ANKRD26: variants seen among roughly 807,000 people sequenced by gnomAD.
The protein encoded by ANKRD26 is ankyrin repeat domain-containing protein 26.
In ANKRD26, 141 loss-of-function variants were observed where a neutral mutation model predicts 208.7. That is an observed-to-expected ratio of 0.68 (90% CI 0.59 to 0.78). The LOEUF is 0.78. Among genes scored for constraint, ANKRD26 ranks in the 30% least tolerant of loss-of-function variants. The pLI, the probability that ANKRD26 is intolerant of heterozygous loss-of-function variation, is 0.00. For synonymous variants in ANKRD26, 636 were observed against 660.4 expected, an observed-to-expected ratio of 0.96 and a Z score of 0.57; for missense variants, 1,889 against 1,938.7, an observed-to-expected ratio of 0.97 and a Z score of 0.48.
the ANKRD26 span, among the ~76,000 whole-genome samples, chr10:26,964,195 C>T: frequency 2.0e-5 from 3 of 152,012 alleles, no homozygotes; most frequent in Non-Finnish European, 4.4e-5. Context: ...AGGCATGAGG[C>T]ACCATGCCTG....
intron 27 of ANKRD26, among the ~76,000 whole-genome samples, chr10:27,025,372 T>C (rs2053627276): frequency 4.6e-5 from 7 of 152,110 alleles, no homozygotes; most frequent in Admixed American, 4.6e-4. Context: ...AGTTTTGCTA[T>C]GCTGCCCAGG....
At chr10:26,979,950 T>G (rs2052283226) in intron 5 of ANKRD26, among the ~76,000 whole-genome samples, 1 of 152,002 alleles carries the variant, frequency 6.6e-6, no homozygotes, top group African/African-American at 2.4e-5. Context: ...TCCTTTATCA[T>G]AGCACAGGAT....
chr10:27,053,064 A>C (rs1256170129), intron 16 of ANKRD26, among the ~76,000 whole-genome samples: 1 of 152,004 alleles, frequency 6.6e-6, no homozygotes, highest in East Asian at 1.9e-4. Context: ...AACAATACTC[A>C]GGAAATTTCT....
chr10:27,048,808 A>G lies in ANKRD26; in HGVS notation c.1807T>C (p.Tyr603His). The change falls in exon 17 of 34, where the codon TAT becomes CAT. Residue 603 changes from tyrosine (Y) to histidine (H), a missense_variant. By Grantham distance (83) the Tyr-to-His change is moderately conservative. Transcript: ENST00000376087. ...AATATGCTATCAGCTTACCTAGCAT[A>G]CTCTTTATTTTCCTTCCTGGGAAAT... Reference protein sequence around the residue: ...QQFPRKENKEYASSGPALQMK... With the variant: ...QQFPRKENKEHASSGPALQMK... 1 of 1,612,848 alleles carries G rather than the reference A, an allele frequency of 6.2e-7. No homozygotes were observed. The highest frequency in any genetic ancestry group is 1.3e-5 in the African/African-American group (1 of 74,970).
At chr10:27,017,351 G>T in intron 30 of ANKRD26, 151 bp downstream of exon 30, 1 of 701,230 alleles carries the variant, frequency 1.4e-6, no homozygotes, top group Non-Finnish European at 2.4e-6. Context: ...ATGGAAACTG[G>T]AATATCTAAA....
At chr10:26,982,999 A>G (rs1380394058) in intron 3 of ANKRD26, among the ~76,000 whole-genome samples, 2 of 152,152 alleles carry the variant, frequency 1.3e-5, no homozygotes, top group East Asian at 3.8e-4. Flanking sequence ...TTGTCATTTG[A>G]TTCCTCTAAG....
rs77185537 is a variant in ANKRD26, at chr10:27,053,931, G to C, written c.1565-541C>G. Among the ~76,000 whole-genome samples the C allele has an allele frequency of 1.9e-4, 29 of 152,234 alleles. No individual in the cohort carries two copies. In the East Asian group the frequency reaches 5.2e-3, roughly 27 times the overall value. ...ATTATTAATGAATTCCAAAATTACT[G>C]CTACTTTTTACATCTTTATCATTGT... On this transcript the variant is annotated intron_variant, in intron 15 of 33. Transcript: ENST00000376087.
downstream of ANKRD26, among the ~76,000 whole-genome samples, chr10:26,969,141 C>T (rs1589154286): frequency 6.6e-6 from 1 of 152,136 alleles, no homozygotes; most frequent in African/African-American, 2.4e-5. Flanking sequence ...TTGCGGTCTA[C>T]ACTGATCCAC....
chr10:27,053,138 T>A (rs1192193176), intron 16 of ANKRD26, among the ~76,000 whole-genome samples, 182 bp downstream of exon 16: 2 of 152,120 alleles, frequency 1.3e-5, no homozygotes, highest in Non-Finnish European at 2.9e-5. Flanking sequence ...AAAGATTAGC[T>A]ATAGGTTACT....
In ANKRD26 at chr10:27,100,421, C is replaced by T; in HGVS notation, c.-95G>A. 2 of 1,549,798 alleles carry T rather than the reference C, an allele frequency of 1.3e-6. No homozygotes were observed. The highest frequency in any genetic ancestry group is 2.3e-5 in the East Asian group (1 of 44,396). ...ATAACAAGTCAGCCCCGGCTGGCCG[C>T]AGCCTCCCAAAGGAAACTCCGCGGT... On this transcript the variant is annotated 5_prime_UTR_variant, in exon 1 of 34. Transcript: ENST00000376087.
intron 29 of ANKRD26, 22 bp from the exon 30 acceptor site, chr10:27,017,814 G>GT: frequency 6.2e-7 from 1 of 1,602,316 alleles, no homozygotes; most frequent in Non-Finnish European, 8.5e-7. Context: ...CAATAATATA[G>GT]TGTAATAATG....
intron 12 of ANKRD26, among the ~76,000 whole-genome samples, chr10:27,063,409 C>T (rs187181290): frequency 0.012 from 1,868 of 152,190 alleles, 22 homozygotes; most frequent in South Asian, 0.036. Context: ...CCACCTCCAC[C>T]TCCCAGGTTC....
chr10:27,053,275 A>G, intron 16 of ANKRD26, 45 bp downstream of exon 16: 2 of 1,391,576 alleles, frequency 1.4e-6, no homozygotes, highest in Non-Finnish European at 2.0e-6. Context: ...TCATTAAAGC[A>G]AAGAAAACAA....
chr10:26,994,840 G>A (rs1439847095), intron 5 of ANKRD26, among the ~76,000 whole-genome samples: 1 of 152,180 alleles, frequency 6.6e-6, no homozygotes, highest in Non-Finnish European at 1.5e-5. Context: ...ATGCAGAGCA[G>A]CTGTCAGGGC....
At chr10:27,096,221 C>T (rs1200644134) in intron 1 of ANKRD26, among the ~76,000 whole-genome samples, 1 of 152,134 alleles carries the variant, frequency 6.6e-6, no homozygotes, top group Non-Finnish European at 1.5e-5. Flanking sequence ...AAATCAGCAA[C>T]TTTCCATCTT....
intron 6 of ANKRD26, chr10:27,080,899 T>C (rs1163384699): frequency 1.6e-5 from 16 of 985,228 alleles, no homozygotes; most frequent in Non-Finnish European, 1.9e-5. Context: ...TGCCCTACCC[T>C]ACATGTCCAT....
At chr10:27,033,168 A>T in intron 25 of ANKRD26, 57 bp downstream of exon 25, 3 of 1,400,416 alleles carry the variant, frequency 2.1e-6, no homozygotes, top group Non-Finnish European at 3.0e-6. Flanking sequence ...ATGATAAAAC[A>T]CTATATATTT....
chr10:27,012,297 A>G (rs921869146), intron 32 of ANKRD26, among the ~76,000 whole-genome samples: 2 of 152,170 alleles, frequency 1.3e-5, no homozygotes, highest in African/African-American at 4.8e-5. Context: ...TTTCTAATAA[A>G]TTCAGCTTTT....
At chr10:26,962,356 C>T in the ANKRD26 span, among the ~76,000 whole-genome samples, 1 of 152,092 alleles carries the variant, frequency 6.6e-6, no homozygotes, top group Non-Finnish European at 1.5e-5. Context: ...GGGCAGATCA[C>T]CTGAGGTCAG....
Sources: allele counts gnomAD v4.1 joint callset (sites outside exome capture counted in the v4.1 genomes callset), GRCh38; gene constraint gnomAD v4.1.1; transcripts MANE v1.5; gene names NCBI Gene and HGNC (gene_info 2026-07-23, HGNC 2026-07-21).